Variants in TMEM132D observed in about 807,000 individuals in gnomAD.
The protein encoded by TMEM132D is mature OL transmembrane protein.
TMEM132D carries 21 observed loss-of-function variants against 62.3 expected under a neutral mutation model. The ratio of observed to expected loss-of-function variants is 0.34; its 90% CI spans 0.24 to 0.49. The LOEUF is 0.49. TMEM132D is among the 20% of genes least tolerant of loss of function. TMEM132D has a pLI of 0.99. For synonymous variants in TMEM132D, 621 were observed against 575.6 expected, an observed-to-expected ratio of 1.08 and a Z score of -1.13; for missense variants, 1,346 against 1,402.8, an observed-to-expected ratio of 0.96 and a Z score of 0.65.
chr12:129,419,410 G>C (rs982388518), intron 3 of TMEM132D, among the ~76,000 whole-genome samples: 1 of 152,140 alleles, frequency 6.6e-6, no homozygotes, highest in Admixed American at 6.5e-5. Flanking sequence ...GAGCGTGCAG[G>C]AACAGCAGCA....
chr12:129,753,370 C>T lies in TMEM132D; in HGVS notation c.80-52672G>A, dbSNP rs112949205. On this transcript the variant is annotated intron_variant, in intron 1 of 8. Coordinates refer to ENST00000422113, the MANE Select transcript of TMEM132D (RefSeq NM_133448.3). ...TAAAGCCAACGGCTCTTGCATTATT[C>T]AGATCTAAAAGAAATCAGAAAGTAT... Among the ~76,000 whole-genome samples, 1,187 of 152,308 alleles carry T rather than the reference C, an allele frequency of 7.8e-3. 6 individuals are homozygous for T. The highest frequency in any genetic ancestry group is 0.02 in the Middle Eastern group (6 of 294).
chr12:129,639,382 TAAAAAAA>T (rs34476667), intron 2 of TMEM132D, among the ~76,000 whole-genome samples: 4 of 90,470 alleles, frequency 4.4e-5, no homozygotes, highest in African/African-American at 1.3e-4. Flanking sequence ...GACTCTGTCT[TAAAAAAA>T]AAAAAAAAAA....
intron 2 of TMEM132D, among the ~76,000 whole-genome samples, chr12:129,569,718 G>T (rs1877459520): frequency 6.6e-6 from 1 of 152,166 alleles, no homozygotes; most frequent in Non-Finnish European, 1.5e-5. Context: ...TTTATGAAAT[G>T]ACTCCACTGA....
intron 1 of TMEM132D, among the ~76,000 whole-genome samples, chr12:129,793,221 G>A (rs1464031704): frequency 6.6e-6 from 1 of 151,788 alleles, no homozygotes; most frequent in Non-Finnish European, 1.5e-5. Context: ...CCTGATCTTC[G>A]TATTATATCT....
chr12:129,805,178 T>C (rs1871938458), intron 1 of TMEM132D, among the ~76,000 whole-genome samples: 1 of 151,546 alleles, frequency 6.6e-6, no homozygotes, highest in African/African-American at 2.4e-5. Context: ...CTTCACAGAA[T>C]TGGAAAAAAC....
intron 1 of TMEM132D, among the ~76,000 whole-genome samples, chr12:129,810,493 T>A (rs1872137467): frequency 6.6e-6 from 1 of 152,022 alleles, no homozygotes; most frequent in Non-Finnish European, 1.5e-5. Context: ...GGATGGGAAA[T>A]GAGGCCCTGG....
In TMEM132D at chr12:129,544,662, T is replaced by A. The variant is rs537706464; in HGVS notation, c.969-13457A>T. 2.2e-3 allele frequency among the ~76,000 whole-genome samples: 341 copies of A among 152,240 alleles called. 2 individuals are homozygous for A. Among genetic ancestry groups the A allele is most frequent in the Admixed American group, 5.0e-3 (77 of 15,300 alleles). On this transcript the variant is annotated intron_variant, in intron 2 of 8. Transcript: ENST00000422113. ...ACCACATATTTCAGTAAGAACCACT[T>A]CTGTTAGCACATTTTTAAAGATAAC...
At chr12:129,630,037 T>A (rs1434234978) in intron 2 of TMEM132D, among the ~76,000 whole-genome samples, 1 of 152,232 alleles carries the variant, frequency 6.6e-6, no homozygotes, top group Non-Finnish European at 1.5e-5. Flanking sequence ...GTTCCATTGT[T>A]GTTGTTGTTA....
intron 4 of TMEM132D, among the ~76,000 whole-genome samples, chr12:129,280,579 A>T (rs1217358511): frequency 6.6e-6 from 1 of 152,186 alleles, no homozygotes; most frequent in Non-Finnish European, 1.5e-5. Flanking sequence ...GAAAGTGAGA[A>T]GTCAGGAACT....
At chr12:129,077,595 C>A (rs916281716) in intron 8 of TMEM132D, among the ~76,000 whole-genome samples, 11 of 151,744 alleles carry the variant, frequency 7.2e-5, no homozygotes, top group African/African-American at 2.7e-4. Context: ...CACACAGGCA[C>A]CTATACAACA....
chr12:129,823,177 C>T (rs1872580797), intron 1 of TMEM132D, among the ~76,000 whole-genome samples: 1 of 152,200 alleles, frequency 6.6e-6, no homozygotes, highest in Non-Finnish European at 1.5e-5. Flanking sequence ...CTTCCTGAGG[C>T]CTCCCCAGAA....
At chr12:129,373,968 C>G (rs756867290) in intron 3 of TMEM132D, among the ~76,000 whole-genome samples, 1 of 152,100 alleles carries the variant, frequency 6.6e-6, no homozygotes, top group Non-Finnish European at 1.5e-5. Context: ...GAGTCAATTC[C>G]TGGCTTCTAA....
At chr12:129,518,197 T>A (rs1875738985) in intron 3 of TMEM132D, among the ~76,000 whole-genome samples, 1 of 152,192 alleles carries the variant, frequency 6.6e-6, no homozygotes. Context: ...CTGTTGTGAG[T>A]TTATAAGAAC....
chr12:129,104,654 G>T (rs1296426130), intron 5 of TMEM132D, among the ~76,000 whole-genome samples: 2 of 151,476 alleles, frequency 1.3e-5, no homozygotes, highest in African/African-American at 4.9e-5. Flanking sequence ...CTGACAAAGG[G>T]CTAATATCCA....
At chr12:129,420,936 AC>A (rs1161347798) in intron 3 of TMEM132D, among the ~76,000 whole-genome samples, 13 of 150,220 alleles carry the variant, frequency 8.7e-5, no homozygotes, top group Non-Finnish European at 1.9e-4. Context: ...TATTTATCTA[AC>A]AGTCCGAGCT....
intron 2 of TMEM132D, among the ~76,000 whole-genome samples, chr12:129,647,993 A>G (rs563197390): frequency 6.6e-6 from 1 of 152,302 alleles, no homozygotes; most frequent in East Asian, 1.9e-4. Context: ...TGAAACAAAG[A>G]TGATAATAAC....
chr12:129,413,181 C>T (rs984967723), intron 3 of TMEM132D, among the ~76,000 whole-genome samples: 3 of 152,158 alleles, frequency 2.0e-5, no homozygotes, highest in Non-Finnish European at 4.4e-5. Flanking sequence ...TTGTAACTCC[C>T]ATAATTTCCT....
intron 2 of TMEM132D, among the ~76,000 whole-genome samples, chr12:129,636,726 G>GTGTGTGTGTGTA (rs1879489129): frequency 7.6e-6 from 1 of 130,734 alleles, no homozygotes; most frequent in Non-Finnish European, 1.6e-5. Flanking sequence ...GTGTGTGTGT[G>GTGTGTGTGTGTA]TGTGTGTGTG....
At chr12:129,357,238 C>A (rs1291680241) in intron 3 of TMEM132D, among the ~76,000 whole-genome samples, 1 of 133,280 alleles carries the variant, frequency 7.5e-6, no homozygotes, top group African/African-American at 3.0e-5. Flanking sequence ...CAGAGTGAGA[C>A]CGTGTCTCAA....
Sources: allele counts gnomAD v4.1 joint callset (sites outside exome capture counted in the v4.1 genomes callset), GRCh38; gene constraint gnomAD v4.1.1; transcripts MANE v1.5; gene names NCBI Gene and HGNC (gene_info 2026-07-23, HGNC 2026-07-21).